Variants in RALYL observed in about 807,000 individuals in gnomAD.
The protein encoded by RALYL is RALY RNA binding protein like, also known as RNA-binding Raly-like protein.
A neutral mutation model predicts 35.1 loss-of-function variants in RALYL; 29 were observed. That is an observed-to-expected ratio of 0.83 (90% CI 0.61 to 1.13). The LOEUF (loss-of-function observed/expected upper bound fraction) is 1.13, where lower values mean the gene tolerates loss of function less well. RALYL is among the 50% of genes most tolerant of loss of function. RALYL has a pLI of 0.00. For missense variants in RALYL, 359 were observed against 360.4 expected (o/e 1.00, Z 0.03); for synonymous variants, 120 against 127.6 (o/e 0.94, Z 0.40).
intron 3 of RALYL, among the ~76,000 whole-genome samples, chr8:84,779,388 A>C (rs893427351): frequency 2.6e-5 from 4 of 152,226 alleles, no homozygotes; most frequent in Non-Finnish European, 4.4e-5. Flanking sequence ...ATGAACAACA[A>C]TGGATTTTTT....
intron 2 of RALYL, among the ~76,000 whole-genome samples, chr8:84,590,945 CAT>C (rs764552711): frequency 7.4e-4 from 113 of 152,074 alleles, no homozygotes; most frequent in Non-Finnish European, 9.1e-4. Flanking sequence ...CATAATTGCA[CAT>C]GTCTTTAGTT....
intron 2 of RALYL, among the ~76,000 whole-genome samples, chr8:84,610,096 G>A (rs1399907385): frequency 1.3e-5 from 2 of 152,194 alleles, no homozygotes; most frequent in East Asian, 3.9e-4. Flanking sequence ...GATGAGATTT[G>A]GGTAGGGACA....
intron 2 of RALYL, among the ~76,000 whole-genome samples, chr8:84,729,440 C>A (rs1326181343): frequency 1.3e-5 from 2 of 151,746 alleles, no homozygotes; most frequent in African/African-American, 4.8e-5. Flanking sequence ...AGGAAAGATC[C>A]AAAATTGACA....
intron 2 of RALYL, among the ~76,000 whole-genome samples, chr8:84,652,095 C>G (rs1051274843): frequency 5.9e-5 from 9 of 152,028 alleles, no homozygotes; most frequent in Admixed American, 1.3e-4. Flanking sequence ...ATAGGAATCT[C>G]AAGTGTAAGA....
chr8:84,440,680 C>T (rs183556833), intron 1 of RALYL, among the ~76,000 whole-genome samples: 13 of 152,108 alleles, frequency 8.5e-5, no homozygotes, highest in African/African-American at 3.1e-4. Flanking sequence ...CCTTGTTCCA[C>T]ATATTAATAT....
chr8:84,835,816 G>T (rs1355992221), intron 4 of RALYL, among the ~76,000 whole-genome samples: 2 of 151,822 alleles, frequency 1.3e-5, no homozygotes, highest in Non-Finnish European at 2.9e-5. Context: ...ATTGTGTCAA[G>T]ATACAAGAAT....
intron 1 of RALYL, among the ~76,000 whole-genome samples, chr8:84,311,841 C>T (rs1178352428): frequency 6.6e-6 from 1 of 151,888 alleles, no homozygotes; most frequent in Non-Finnish European, 1.5e-5. Flanking sequence ...AGCAACAATA[C>T]CAAAAACAAT....
chr8:84,569,627 T>C (rs1403751808), intron 2 of RALYL, among the ~76,000 whole-genome samples: 1 of 151,958 alleles, frequency 6.6e-6, no homozygotes, highest in Non-Finnish European at 1.5e-5. Context: ...TTTGTTGCAT[T>C]TACTTTTAGG....
chr8:84,449,084 T>C (rs887619699), intron 1 of RALYL, among the ~76,000 whole-genome samples: 4 of 149,736 alleles, frequency 2.7e-5, no homozygotes, highest in African/African-American at 1.0e-4. Context: ...TTTTGTTTTT[T>C]TTTTTTTTTT....
chr8:84,607,521 T>G (rs1817397645), intron 2 of RALYL, among the ~76,000 whole-genome samples: 1 of 152,120 alleles, frequency 6.6e-6, no homozygotes, highest in African/African-American at 2.4e-5. Flanking sequence ...ATCTGACAGT[T>G]TTCTCCAATG....
At position 84,455,615 on chromosome 8, in the gene RALYL, A is replaced by G. The variant is rs149361879; in HGVS notation, c.-23-73684A>G. ...GAAAAATGAATTTAACCTAGACCTAATAGAAGACAAAGTCAATCACAAACA... is the reference window on the plus strand; with the variant it reads ...GAAAAATGAATTTAACCTAGACCTAGTAGAAGACAAAGTCAATCACAAACA... On this transcript the variant is annotated intron_variant, in intron 1 of 8. Coordinates refer to ENST00000521268, the MANE Select transcript of RALYL (RefSeq NM_173848.7). Among the ~76,000 whole-genome samples the G allele has an allele frequency of 9.7e-3, 1,473 of 152,124 alleles. 23 individuals carry two copies. Among genetic ancestry groups the G allele is most frequent in the African/African-American group, 0.033 (1,367 of 41,530 alleles).
At chr8:84,292,309 T>C (rs775342874) in intron 1 of RALYL, among the ~76,000 whole-genome samples, 3 of 152,194 alleles carry the variant, frequency 2.0e-5, no homozygotes, top group African/African-American at 4.8e-5. Context: ...AAGTGCATAC[T>C]ATTCTATTCT....
At chr8:84,916,525 G>T (rs117614731) in intron 8 of RALYL, among the ~76,000 whole-genome samples, 78 of 151,998 alleles carry the variant, frequency 5.1e-4, no homozygotes, top group South Asian at 1.7e-3. Flanking sequence ...GGTGCTATAG[G>T]GGGGAGTTTC....
chr8:84,820,476 C>G (rs532254767), intron 4 of RALYL, among the ~76,000 whole-genome samples: 5 of 152,270 alleles, frequency 3.3e-5, no homozygotes, highest in African/African-American at 1.2e-4. Flanking sequence ...ACACAGCCAG[C>G]ACTGTTTCCT....
At chr8:84,893,988 A>G (rs1035076914) in intron 8 of RALYL, among the ~76,000 whole-genome samples, 10 of 152,298 alleles carry the variant, frequency 6.6e-5, no homozygotes, top group African/African-American at 2.2e-4. Context: ...CATTCAACTA[A>G]GCAGTAAGTC....
chr8:84,684,630 GA>G (rs2132043642), intron 2 of RALYL, among the ~76,000 whole-genome samples: 1 of 152,328 alleles, frequency 6.6e-6, no homozygotes, highest in Non-Finnish European at 1.5e-5. Context: ...TGAAAGGTCA[GA>G]ACTGAGAAGA....
chr8:84,855,314 AACATATGTCC>A (rs1836744154), intron 5 of RALYL, among the ~76,000 whole-genome samples: 1 of 152,200 alleles, frequency 6.6e-6, no homozygotes, highest in Admixed American at 6.5e-5. Flanking sequence ...CTTAATAACT[AACATATGTCC>A]ACATTATATT....
At chr8:84,470,000 G>A (rs532865203) in intron 1 of RALYL, among the ~76,000 whole-genome samples, 30 of 152,204 alleles carry the variant, frequency 2.0e-4, no homozygotes, top group African/African-American at 6.3e-4. Flanking sequence ...GCTTCGGCTC[G>A]CGCACGGTGC....
At chr8:84,598,240 C>G (rs566554318) in intron 2 of RALYL, among the ~76,000 whole-genome samples, 2 of 152,258 alleles carry the variant, frequency 1.3e-5, no homozygotes, top group African/African-American at 4.8e-5. Context: ...AGTCATAACT[C>G]TCACTGCAGC....
Sources: allele counts gnomAD v4.1 joint callset (sites outside exome capture counted in the v4.1 genomes callset), GRCh38; gene constraint gnomAD v4.1.1; transcripts MANE v1.5; gene names NCBI Gene and HGNC (gene_info 2026-07-23, HGNC 2026-07-21).